The following SLC12A6 variants were observed in gnomAD, a reference collection of about 807,000 sequenced individuals.
SLC12A6 encodes solute carrier family 12 member 6.
In SLC12A6, 66 loss-of-function variants were observed where a neutral mutation model predicts 135.3. The observed-to-expected ratio is 0.49, with a 90% CI of 0.40 to 0.60. The LOEUF (loss-of-function observed/expected upper bound fraction) is 0.60, where lower values mean the gene tolerates loss of function less well. Among genes scored for constraint, SLC12A6 ranks in the 20% least tolerant of loss-of-function variants. The pLI, the probability that SLC12A6 is intolerant of heterozygous loss-of-function variation, is 0.00. For missense variants in SLC12A6, 1,058 were observed against 1,452.3 expected, an observed-to-expected ratio of 0.73 and a Z score of 4.41; for synonymous variants, 513 against 508.8, an observed-to-expected ratio of 1.01 and a Z score of -0.11.
chr15:34,271,724 G>A (rs190046795), intron 3 of SLC12A6, among the ~76,000 whole-genome samples: 1 of 152,174 alleles, frequency 6.6e-6, no homozygotes, highest in Admixed American at 6.5e-5. Flanking sequence ...AGTTTTGCAA[G>A]AGACCCGATG....
intron 2 of SLC12A6, among the ~76,000 whole-genome samples, chr15:34,302,897 C>T (rs1246983470): frequency 1.3e-5 from 2 of 148,856 alleles, no homozygotes; most frequent in African/African-American, 5.0e-5. Flanking sequence ...CTGCAATGAG[C>T]CATAATCATG....
At chr15:34,307,789 T>C (rs977792775) in intron 2 of SLC12A6, among the ~76,000 whole-genome samples, 1 of 152,178 alleles carries the variant, frequency 6.6e-6, no homozygotes, top group Non-Finnish European at 1.5e-5. Flanking sequence ...GAAAAAAATA[T>C]GAACGAAGGC....
chr15:34,299,687 T>C (rs1255032149), intron 2 of SLC12A6: 3 of 152,186 alleles, frequency 2.0e-5, no homozygotes, highest in Non-Finnish European at 4.4e-5. Context: ...ATGGAATAAA[T>C]GTGTTAAAGC....
At chr15:34,302,710 G>T (rs934753340) in intron 2 of SLC12A6, among the ~76,000 whole-genome samples, 4 of 151,764 alleles carry the variant, frequency 2.6e-5, no homozygotes, top group Non-Finnish European at 5.9e-5. Flanking sequence ...TGGCACTTCC[G>T]GAGGTGGAGG....
chr15:34,267,199 C>T (rs1893583623), intron 3 of SLC12A6, among the ~76,000 whole-genome samples: 1 of 151,670 alleles, frequency 6.6e-6, no homozygotes, highest in South Asian at 2.1e-4. Flanking sequence ...TCCTGACTTA[C>T]CTAATATTGG....
At chr15:34,331,315 A>G (rs527341736) in intron 2 of SLC12A6, among the ~76,000 whole-genome samples, 28 of 152,212 alleles carry the variant, frequency 1.8e-4, no homozygotes, top group African/African-American at 6.7e-4. Context: ...AAGTTTTCAT[A>G]TTTTTAGTAG....
intron 2 of SLC12A6, among the ~76,000 whole-genome samples, chr15:34,314,318 A>C (rs2141093325): frequency 6.6e-6 from 1 of 152,324 alleles, no homozygotes; most frequent in South Asian, 2.1e-4. Flanking sequence ...AAGTGCTGGG[A>C]TTACAGGTGT....
At chr15:34,322,245 G>A (rs1036365388) in intron 2 of SLC12A6, among the ~76,000 whole-genome samples, 1 of 152,148 alleles carries the variant, frequency 6.6e-6, no homozygotes, top group Non-Finnish European at 1.5e-5. Context: ...GCTGGGCGTG[G>A]TGACACATGC....
At chr15:34,286,372 G>A (rs1440896994) in intron 2 of SLC12A6, among the ~76,000 whole-genome samples, 1 of 151,778 alleles carries the variant, frequency 6.6e-6, no homozygotes, top group Non-Finnish European at 1.5e-5. Context: ...CACCATGCCT[G>A]GCCTTATGCT....
At chr15:34,258,698 C>T (rs1892918500) in intron 5 of SLC12A6, 115 bp downstream of exon 5, 2 of 909,022 alleles carry the variant, frequency 2.2e-6, no homozygotes, top group Non-Finnish European at 3.7e-6. Flanking sequence ...CAGTTCCAGG[C>T]ACCTCTCAAG....
At chr15:34,263,842 G>T (rs1555382615) in intron 3 of SLC12A6, among the ~76,000 whole-genome samples, 1 of 151,728 alleles carries the variant, frequency 6.6e-6, no homozygotes, top group South Asian at 2.1e-4. Flanking sequence ...AAACTGAAGG[G>T]GTTCCCAATG....
rs17236798 is a variant in SLC12A6, at chr15:34,250,671, C to G, written c.1551G>C (p.Pro517=). The change falls in exon 12 of 26, where the codon CCG becomes CCC. Residue 517 remains proline (P), a synonymous_variant. Transcript: ENST00000354181. ...TCAGGATGGCAAGGATAGTACCAATCGGAATAGACTTCTGAGCATCTTTCA... is the reference window on the plus strand; with the variant it reads ...TCAGGATGGCAAGGATAGTACCAATGGGAATAGACTTCTGAGCATCTTTCA... ...GDLKDAQKSI[P]IGTILAILTT... is the part of the protein sequence containing the mutation. The G allele has an allele frequency of 0.18, 282,925 of 1,599,874 alleles. 25,941 individuals are homozygous for G. Among genetic ancestry groups the G allele is most frequent in the Middle Eastern group, 0.28 (1,662 of 6,032 alleles).
intron 2 of SLC12A6, among the ~76,000 whole-genome samples, chr15:34,285,686 T>A (rs925130770): frequency 2.7e-5 from 4 of 149,814 alleles, no homozygotes; most frequent in African/African-American, 9.9e-5. Context: ...AAACAAAATG[T>A]GCTATATGTG....
intron 2 of SLC12A6, among the ~76,000 whole-genome samples, chr15:34,319,555 T>C (rs1268769529): frequency 6.6e-6 from 1 of 151,954 alleles, no homozygotes; most frequent in Non-Finnish European, 1.5e-5. Context: ...TCCTAACACT[T>C]TGGGAGGCCA....
chr15:34,336,460 G>C lies in SLC12A6; in HGVS notation c.221C>G (p.Ala74Gly), dbSNP rs373526599. Reference protein sequence around the residue: ...SGATTSLATVALDPPSDRTSH... With the variant: ...SGATTSLATVGLDPPSDRTSH... The stretch of plus-strand genomic sequence containing the variant: ...AGTCCGGTCACTGGGTGGATCCAGT[G>C]CAACAGTTGCCAGCGAAGTGGTGGC... The change falls in exon 2 of 26, where the codon GCA becomes GGA. Residue 74 changes from alanine (A) to glycine (G), a missense_variant. Transcript: ENST00000354181. 6.2e-7 allele frequency: 1 copy of C among 1,613,850 alleles called. No homozygotes were observed.
At chr15:34,317,458 C>CTTT (rs929979877) in intron 2 of SLC12A6, among the ~76,000 whole-genome samples, 6 of 152,306 alleles carry the variant, frequency 3.9e-5, no homozygotes, top group African/African-American at 1.2e-4. Flanking sequence ...AATCCCAGCA[C>CTTT]TTTGGGAGGC....
chr15:34,267,756 G>T (rs1194891278), intron 3 of SLC12A6, among the ~76,000 whole-genome samples: 1 of 152,192 alleles, frequency 6.6e-6, no homozygotes, highest in African/African-American at 2.4e-5. Flanking sequence ...GAATTCTTCT[G>T]TCATTCTGTT....
intron 2 of SLC12A6, among the ~76,000 whole-genome samples, chr15:34,283,818 G>T (rs1019078592): frequency 6.6e-6 from 1 of 151,916 alleles, no homozygotes; most frequent in African/African-American, 2.4e-5. Flanking sequence ...GTGCAATCAG[G>T]GCTTACTACA....
chr15:34,324,452 A>AT (rs1889330105), intron 2 of SLC12A6, among the ~76,000 whole-genome samples: 1 of 152,158 alleles, frequency 6.6e-6, no homozygotes, highest in South Asian at 2.1e-4. Flanking sequence ...AAAACACATT[A>AT]TTTGTGACTA....
Sources: allele counts gnomAD v4.1 joint callset (sites outside exome capture counted in the v4.1 genomes callset), GRCh38; gene constraint gnomAD v4.1.1; transcripts MANE v1.5; gene names NCBI Gene and HGNC (gene_info 2026-07-23, HGNC 2026-07-21).